Variants in NLGN1 observed in about 807,000 individuals in gnomAD.
NLGN1 encodes neuroligin-1.
NLGN1 carries 12 observed loss-of-function variants against 65.5 expected under a neutral mutation model. That is an observed-to-expected ratio of 0.18 (90% CI 0.12 to 0.30). NLGN1 has a LOEUF of 0.30. Ranked by LOEUF, NLGN1 falls within the 10% of genes least tolerant of loss-of-function variation. The pLI, the probability that NLGN1 is intolerant of heterozygous loss-of-function variation, is 1.00. For missense variants in NLGN1, 750 were observed against 1,007.1 expected, an observed-to-expected ratio of 0.74 and a Z score of 3.46; for synonymous variants, 350 against 359.5, an observed-to-expected ratio of 0.97 and a Z score of 0.30.
At chr3:173,499,107 T>A (rs1323333658) in intron 2 of NLGN1, among the ~76,000 whole-genome samples, 1 of 151,392 alleles carries the variant, frequency 6.6e-6, no homozygotes, top group Non-Finnish European at 1.5e-5. Flanking sequence ...GCTTTTGGTG[T>A]TTTAGACATG....
chr3:174,063,932 A>G (rs1366547765), intron 4 of NLGN1, among the ~76,000 whole-genome samples: 1 of 152,184 alleles, frequency 6.6e-6, no homozygotes, highest in Non-Finnish European at 1.5e-5. Flanking sequence ...ACCTGAGGTC[A>G]GGAGTTGAAG....
intron 2 of NLGN1, among the ~76,000 whole-genome samples, chr3:173,474,256 A>G (rs1725812149): frequency 6.6e-6 from 1 of 152,174 alleles, no homozygotes; most frequent in Admixed American, 6.5e-5. Flanking sequence ...AGCATGGGGT[A>G]GAATCTTCAG....
intron 4 of NLGN1, among the ~76,000 whole-genome samples, chr3:174,148,348 G>A (rs1723726138): frequency 6.6e-6 from 1 of 152,170 alleles, no homozygotes; most frequent in African/African-American, 2.4e-5. Context: ...CAGAAGAAAT[G>A]ATAGGGTGTT....
At chr3:173,413,974 G>A (rs1205825048) in intron 1 of NLGN1, among the ~76,000 whole-genome samples, 3 of 152,148 alleles carry the variant, frequency 2.0e-5, no homozygotes, top group South Asian at 2.1e-4. Context: ...CCCAGCACGC[G>A]GTTCCACACT....
intron 2 of NLGN1, among the ~76,000 whole-genome samples, chr3:173,462,733 A>G (rs1052196518): frequency 2.0e-5 from 3 of 152,092 alleles, no homozygotes; most frequent in Non-Finnish European, 4.4e-5. Context: ...CTTATTTTGC[A>G]TGCAGTGGTT....
chr3:173,961,911 A>C (rs75379154), intron 4 of NLGN1, among the ~76,000 whole-genome samples: 1 of 152,020 alleles, frequency 6.6e-6, no homozygotes, highest in Non-Finnish European at 1.5e-5. Flanking sequence ...ATAACTCTGG[A>C]CTAATTTGTC....
At chr3:173,837,235 A>T (rs755393518) in intron 4 of NLGN1, among the ~76,000 whole-genome samples, 8 of 152,180 alleles carry the variant, frequency 5.3e-5, no homozygotes. Context: ...CTCAGACTAC[A>T]GCTACTTTAT....
At chr3:174,269,161 T>C (rs1748859986) in intron 4 of NLGN1, among the ~76,000 whole-genome samples, 1 of 151,878 alleles carries the variant, frequency 6.6e-6, no homozygotes, top group African/African-American at 2.4e-5. Flanking sequence ...TGGAGAATTT[T>C]TTTATTATTA....
chr3:174,070,762 A>G (rs1228989742), intron 4 of NLGN1, among the ~76,000 whole-genome samples: 3 of 152,202 alleles, frequency 2.0e-5, no homozygotes, highest in Non-Finnish European at 2.9e-5. Flanking sequence ...ATACTCATTG[A>G]TAGTAATGGG....
At chr3:173,598,065 T>A (rs1347988740) in intron 2 of NLGN1, among the ~76,000 whole-genome samples, 2 of 152,198 alleles carry the variant, frequency 1.3e-5, no homozygotes, top group African/African-American at 2.4e-5. Context: ...ATTATTGTAT[T>A]TCTAGTACTC....
intron 1 of NLGN1, among the ~76,000 whole-genome samples, chr3:173,405,193 A>G (rs1422230507): frequency 6.6e-6 from 1 of 152,022 alleles, no homozygotes; most frequent in Non-Finnish European, 1.5e-5. Context: ...TTGTCTCCAG[A>G]ATTTAATTCC....
chr3:173,822,568 T>A (rs965181732), intron 4 of NLGN1, among the ~76,000 whole-genome samples: 1 of 152,124 alleles, frequency 6.6e-6, no homozygotes. Context: ...TAGAATTAGA[T>A]CCTTATTATG....
At chr3:173,768,420 C>A (rs1338343559) in intron 3 of NLGN1, among the ~76,000 whole-genome samples, 1 of 152,070 alleles carries the variant, frequency 6.6e-6, no homozygotes, top group Non-Finnish European at 1.5e-5. Flanking sequence ...ATCAATAGCC[C>A]TCTCCCCAAT....
At chr3:174,112,741 T>A (rs538481145) in intron 4 of NLGN1, among the ~76,000 whole-genome samples, 5 of 151,966 alleles carry the variant, frequency 3.3e-5, no homozygotes, top group Non-Finnish European at 7.4e-5. Flanking sequence ...GCTAATAACA[T>A]CATGTTTCTA....
At chr3:173,864,303 G>A (rs114795561) in intron 4 of NLGN1, among the ~76,000 whole-genome samples, 3,061 of 152,118 alleles carry the variant, frequency 0.02, 34 homozygotes, top group Middle Eastern at 0.034. Flanking sequence ...GTACATATTG[G>A]CAATTTGCTT....
intron 4 of NLGN1, among the ~76,000 whole-genome samples, chr3:174,085,658 C>T (rs1447691772): frequency 1.3e-5 from 2 of 151,870 alleles, no homozygotes; most frequent in African/African-American, 4.8e-5. Flanking sequence ...GTAAGAAAGG[C>T]TACCCTTAGA....
chr3:174,022,308 C>T (rs1037403158), intron 4 of NLGN1, among the ~76,000 whole-genome samples: 2 of 152,070 alleles, frequency 1.3e-5, no homozygotes, highest in Non-Finnish European at 2.9e-5. Flanking sequence ...ATATTTGTTA[C>T]CGTGACATAA....
chr3:174,253,229 G>A (rs982027449), intron 4 of NLGN1, among the ~76,000 whole-genome samples: 2 of 151,958 alleles, frequency 1.3e-5, no homozygotes, highest in Non-Finnish European at 2.9e-5. Context: ...CTTTTTGTAA[G>A]TGGCATAATA....
At chr3:173,490,547 T>C (rs1318380967) in intron 2 of NLGN1, among the ~76,000 whole-genome samples, 1 of 152,212 alleles carries the variant, frequency 6.6e-6, no homozygotes, top group African/African-American at 2.4e-5. Flanking sequence ...AGCTTTGTTC[T>C]TTTGGCTTAA....
Sources: gnomAD v4.1 joint callset for allele counts (sites outside exome capture counted in the v4.1 genomes callset) on GRCh38, gnomAD v4.1.1 for gene constraint, MANE v1.5 for transcripts, NCBI Gene and HGNC (gene_info 2026-07-23, HGNC 2026-07-21) for gene names.